Variants in EPHA10 observed in about 807,000 individuals in gnomAD.
EPHA10 encodes the protein ephrin type-A receptor 10.
EPHA10 carries 120 observed loss-of-function variants against 109.7 expected under a neutral mutation model. The observed-to-expected ratio is 1.09, with a 90% CI of 0.94 to 1.27. The LOEUF (loss-of-function observed/expected upper bound fraction) is 1.27. Among genes scored for constraint, EPHA10 ranks in the 50% most tolerant of loss-of-function variants. The probability of loss-of-function intolerance (pLI) is 0.00; values close to 1 mark genes in which losing one functional copy is unlikely to be tolerated. For missense variants in EPHA10, 1,396 were observed against 1,411.1 expected (o/e 0.99, Z 0.17); for synonymous variants, 640 against 618.9 (o/e 1.03, Z -0.51).
chr1:37,730,699 C>CT (rs554130597), intron 7 of EPHA10, among the ~76,000 whole-genome samples: 286 of 149,288 alleles, frequency 1.9e-3, no homozygotes, highest in African/African-American at 5.5e-3. Flanking sequence ...CACAATCCTT[C>CT]TTTTTTTTTT....
chr1:37,716,917 C>T lies in EPHA10; in HGVS notation c.*1455G>A. 1 of 233,044 alleles carries T rather than the reference C, an allele frequency of 4.3e-6. No individual in the cohort carries two copies. The highest frequency in any genetic ancestry group is 8.5e-6 in the Non-Finnish European group (1 of 117,938). The allele number at this position is 233,044 out of a possible 1,614,324, so 14.4% of individuals were successfully genotyped here. ...GGGGCCCTGGGCACTGTGGATGGTG[C>T]CCTGGAATTACTTCTTGGTACCTGA... is the stretch of plus-strand genomic sequence containing the variant. On this transcript the variant is annotated 3_prime_UTR_variant, in exon 17 of 17. Coordinates refer to ENST00000373048, the MANE Select transcript of EPHA10 (RefSeq NM_001099439.2).
chr1:37,754,941 G>C lies in EPHA10; in HGVS notation c.851-571C>G, dbSNP rs1646381009. Among the ~76,000 whole-genome samples, 1 of 152,084 alleles carries C rather than the reference G, an allele frequency of 6.6e-6. No homozygotes were observed. Among genetic ancestry groups the C allele is most frequent in the Non-Finnish European group, 1.5e-5 (1 of 68,012 alleles). On this transcript the variant is annotated intron_variant, in intron 3 of 16. Transcript: ENST00000373048. The surrounding 1 kb of genome is among the most constrained non-coding windows in gnomAD (Gnocchi z 4.5). ...GCCTCCTGAGTAGCTGGGATTACAA[G>C]TGTGCACCACCATGCCCAGTTACTT... is the stretch of plus-strand genomic sequence containing the variant.
chr1:37,759,838 C>T (rs1179411036), intron 3 of EPHA10, among the ~76,000 whole-genome samples: 1 of 151,612 alleles, frequency 6.6e-6, no homozygotes, highest in Non-Finnish European at 1.5e-5. Context: ...TGAAAACACA[C>T]ATAAGTAGAT....
At chr1:37,724,128 T>G (rs1411586788) in intron 8 of EPHA10, among the ~76,000 whole-genome samples, 1 of 152,110 alleles carries the variant, frequency 6.6e-6, no homozygotes, top group Admixed American at 6.5e-5. Context: ...GAGCTGGCAG[T>G]GGTTCTAGCT....
intron 8 of EPHA10, among the ~76,000 whole-genome samples, chr1:37,726,647 A>C (rs1192041371): frequency 1.3e-5 from 2 of 151,960 alleles, no homozygotes; most frequent in Non-Finnish European, 1.5e-5. Flanking sequence ...TGGGGGTGGG[A>C]GGTTTCTGCT....
intron 8 of EPHA10, among the ~76,000 whole-genome samples, chr1:37,725,167 T>C (rs1482945435): frequency 1.3e-5 from 2 of 152,084 alleles, no homozygotes; most frequent in Admixed American, 1.3e-4. Context: ...GACAGCAAGC[T>C]GCAAAGACAG....
At chr1:37,751,201 C>CAAAAAAAAAAAAAAAAAAAAAA (rs1320111085) in intron 5 of EPHA10, among the ~76,000 whole-genome samples, 1 of 46,126 alleles carries the variant, frequency 2.2e-5, no homozygotes, top group African/African-American at 7.6e-5. Flanking sequence ...AGACTCCTCT[C>CAAAAAAAAAAAAAAAAAAAAAA]AAAAAAAAAA....
chr1:37,742,444 A>G (rs1010357092), intron 5 of EPHA10, among the ~76,000 whole-genome samples: 4 of 152,216 alleles, frequency 2.6e-5, no homozygotes, highest in African/African-American at 9.6e-5. Flanking sequence ...GATTCAGAGA[A>G]AAGTTTCTTG....
intron 5 of EPHA10, among the ~76,000 whole-genome samples, chr1:37,741,043 A>G (rs976172284): frequency 5.9e-5 from 9 of 152,188 alleles, no homozygotes; most frequent in African/African-American, 2.2e-4. Context: ...GGAAGAGAAC[A>G]TTTAGGAAGG....
chr1:37,755,200 C>CACCA lies in EPHA10; in HGVS notation c.851-834_851-831dup, dbSNP rs1646383258. The stretch of plus-strand genomic sequence containing the variant: ...GGGATCCCAACCCAAGCCCACATCA[C>CACCA]ACCACCCTCAGGACCACTGGAAGAA... On this transcript the variant is annotated intron_variant, in intron 3 of 16. Transcript: ENST00000373048. 3.9e-5 allele frequency among the ~76,000 whole-genome samples: 6 copies of CACCA among 152,308 alleles called. No homozygotes were observed. In the South Asian group the frequency reaches 1.2e-3, roughly 32 times the overall value.
At chr1:37,720,902 C>T (rs1037275685) in intron 11 of EPHA10, 58 bp from the exon 12 acceptor site, 3 of 1,571,522 alleles carry the variant, frequency 1.9e-6, no homozygotes, top group African/African-American at 2.7e-5. Flanking sequence ...CGCACGCACA[C>T]AAGTTTCCCC....
rs556016671 is a variant in EPHA10 at position 37,718,908 on chromosome 1, G to A, written c.2757-92C>T. The A allele has an allele frequency of 1.1e-5, 16 of 1,465,214 alleles. No individual in the cohort carries two copies. In the African/African-American group the frequency reaches 1.7e-4, roughly 15 times the overall value. 90.8% of individuals were successfully genotyped at this position (1,465,214 alleles called of 1,614,324 possible). ...GGGAGAGGCCAGCTGAGGATGGACA[G>A]GAGAAGGGGAGGGTAACCGGGCCCC... is the stretch of plus-strand genomic sequence containing the variant. On this transcript the variant is annotated intron_variant, in intron 15 of 16. Coordinates refer to ENST00000373048, the MANE Select transcript of EPHA10 (RefSeq NM_001099439.2).
chr1:37,715,470 C>A (rs1343933925), downstream of EPHA10, among the ~76,000 whole-genome samples: 4 of 152,130 alleles, frequency 2.6e-5, no homozygotes, highest in African/African-American at 9.7e-5. Context: ...GGCCGGGTGA[C>A]CTCCTTCTCA....
chr1:37,730,065 C>T (rs922470444), intron 7 of EPHA10, among the ~76,000 whole-genome samples: 5 of 152,100 alleles, frequency 3.3e-5, no homozygotes, highest in East Asian at 1.9e-4. Context: ...GCCCCCACTA[C>T]GCCCACTCCA....
At chr1:37,748,112 A>C (rs1196427323) in intron 5 of EPHA10, among the ~76,000 whole-genome samples, 1 of 152,212 alleles carries the variant, frequency 6.6e-6, no homozygotes, top group African/African-American at 2.4e-5. Flanking sequence ...TAATCCCAGC[A>C]CTTTGGGAAG....
chr1:37,731,525 T>C lies in EPHA10; in HGVS notation c.1549A>G (p.Thr517Ala), dbSNP rs1233339105. 1.2e-6 allele frequency: 2 copies of C among 1,613,912 alleles called. No individual in the cohort carries two copies. Among genetic ancestry groups the C allele is most frequent in the Non-Finnish European group, 1.7e-6 (2 of 1,179,992 alleles). The part of the protein sequence containing the change: ...VKTGAPTVTV[T>A]NLKPATRYVF... ...TAGCGGGTAGCCGGCTTCAGGTTGG[T>C]GACGGTGACTGTGGGCGCCCCTGTC... Residue 517 changes from threonine (T) to alanine (A), a missense_variant, in exon 7 of 17, where the codon ACC becomes GCC. Thr to Ala is a moderately conservative substitution (Grantham distance 58). Coordinates refer to ENST00000373048, the MANE Select transcript of EPHA10 (RefSeq NM_001099439.2).
In EPHA10 at chr1:37,718,746, C is replaced by T. The variant is rs1645734663; in HGVS notation, c.2827G>A (p.Glu943Lys). 8 of 1,613,148 alleles carry T rather than the reference C, an allele frequency of 5.0e-6. No homozygotes were observed. The highest frequency in any genetic ancestry group is 5.9e-6 in the Non-Finnish European group (7 of 1,179,996). Reference sequence around the variant, plus strand: ...TTGTAGCGGCACAGGTCCAGGGCCTCCAGCCACGCGCCCACAGAGCCAAAG... The same window carrying T: ...TTGTAGCGGCACAGGTCCAGGGCCTTCAGCCACGCGCCCACAGAGCCAAAG... ...PSFGSVGAWL[E>K]ALDLCRYKDS... The change falls in exon 16 of 17, where the codon GAG (glutamate) becomes AAG (lysine). Residue 943 changes from glutamate to lysine, a missense_variant. Coordinates refer to ENST00000373048, the MANE Select transcript of EPHA10 (RefSeq NM_001099439.2).
chr1:37,755,189 A>ACACCC (rs1646383205), intron 3 of EPHA10, among the ~76,000 whole-genome samples: 2 of 152,252 alleles, frequency 1.3e-5, no homozygotes, highest in South Asian at 4.1e-4. Flanking sequence ...TCCCAACCCA[A>ACACCC]GCCCACATCA....
intron 5 of EPHA10, among the ~76,000 whole-genome samples, chr1:37,748,918 C>CTTTTTTTTT (rs55656984): frequency 6.3e-5 from 6 of 95,302 alleles, no homozygotes; most frequent in Non-Finnish European, 9.7e-5. Flanking sequence ...TTCTTTTCAT[C>CTTTTTTTTT]TTTTTTTTTT....
Sources: allele counts gnomAD v4.1 joint callset (sites outside exome capture counted in the v4.1 genomes callset), GRCh38; gene constraint gnomAD v4.1.1; non-coding constraint Gnocchi (gnomAD v3.1); transcripts MANE v1.5; gene names NCBI Gene and HGNC (gene_info 2026-07-23, HGNC 2026-07-21).